The following CSMD1 variants were observed in gnomAD, a reference collection of about 807,000 sequenced individuals.
CSMD1 encodes CUB and sushi domain-containing protein 1.
In CSMD1, 213 loss-of-function variants were observed where a neutral mutation model predicts 417.5. The observed-to-expected ratio is 0.51, with a 90% CI of 0.46 to 0.57. CSMD1 has a LOEUF of 0.57. Among genes scored for constraint, CSMD1 ranks in the 20% least tolerant of loss-of-function variants. The pLI, the probability that CSMD1 is intolerant of heterozygous loss-of-function variation, is 0.00. For missense variants in CSMD1, 6,923 were observed against 4,529.7 expected (o/e 1.53, Z -15.17); for synonymous variants, 2,862 against 1,736.8 (o/e 1.65, Z -16.11).
chr8:4,928,557 C>A (rs546116844), intron 1 of CSMD1, among the ~76,000 whole-genome samples: 4 of 152,158 alleles, frequency 2.6e-5, no homozygotes, highest in African/African-American at 9.7e-5. Flanking sequence ...AATTCTAATT[C>A]CAGTCTTGCA....
At chr8:3,541,677 T>C (rs1798444299) in intron 10 of CSMD1, among the ~76,000 whole-genome samples, 1 of 149,778 alleles carries the variant, frequency 6.7e-6, no homozygotes, top group Admixed American at 6.6e-5. Flanking sequence ...TTGGACACCC[T>C]ATAATTAGTA....
chr8:3,177,427 A>G (rs555222953), intron 37 of CSMD1, among the ~76,000 whole-genome samples: 37 of 152,294 alleles, frequency 2.4e-4, no homozygotes, highest in African/African-American at 8.7e-4. Context: ...ATCTTAAACC[A>G]CTGCAGGGGT....
intron 5 of CSMD1, among the ~76,000 whole-genome samples, chr8:3,845,173 G>C (rs1164784503): frequency 2.0e-5 from 3 of 152,198 alleles, no homozygotes; most frequent in African/African-American, 7.2e-5. Flanking sequence ...ATGGGAATTA[G>C]AAAACACATA....
intron 2 of CSMD1, among the ~76,000 whole-genome samples, chr8:4,538,619 G>T (rs1442180565): frequency 6.6e-6 from 1 of 151,848 alleles, no homozygotes; most frequent in Non-Finnish European, 1.5e-5. Context: ...CTCCAGTATG[G>T]ACCACAAAGG....
In CSMD1 at chr8:4,557,737, C is replaced by A. The variant is rs1194561039; in HGVS notation, c.302+79605G>T. On this transcript the variant is annotated intron_variant, in intron 2 of 69. Transcript: ENST00000635120. ...AATAAATTTCTATACAGCAAAGGGT[C>A]AATTTCAAAGGTGTTTGACAGCATT... is the stretch of plus-strand genomic sequence containing the variant. 1.3e-5 allele frequency among the ~76,000 whole-genome samples: 2 copies of A among 151,746 alleles called. 1 individual carries two copies. The highest frequency in any genetic ancestry group is 4.9e-5 in the African/African-American group (2 of 41,150).
chr8:3,504,332 G>C (rs1458745374), intron 10 of CSMD1, among the ~76,000 whole-genome samples: 5 of 152,308 alleles, frequency 3.3e-5, no homozygotes, highest in South Asian at 2.1e-4. Flanking sequence ...CTCAACGAGA[G>C]TCTTGAAAGA....
chr8:3,785,711 A>G (rs923420122), intron 5 of CSMD1, among the ~76,000 whole-genome samples: 1 of 152,148 alleles, frequency 6.6e-6, no homozygotes, highest in Non-Finnish European at 1.5e-5. Flanking sequence ...ACGTGCTACC[A>G]AGAAGTGAGA....
intron 1 of CSMD1, among the ~76,000 whole-genome samples, chr8:4,993,308 A>G (rs998991875): frequency 1.3e-5 from 2 of 152,222 alleles, no homozygotes; most frequent in African/African-American, 4.8e-5. Context: ...GCTGACTGAT[A>G]AAGAAAGCAT....
intron 41 of CSMD1, among the ~76,000 whole-genome samples, chr8:3,122,794 T>C (rs935400838): frequency 2.6e-5 from 4 of 152,196 alleles, no homozygotes; most frequent in Admixed American, 6.5e-5. Flanking sequence ...TCAACCTCTT[T>C]TTCTTCCCAG....
chr8:4,331,934 C>A lies in CSMD1; in HGVS notation c.415+88019G>T, dbSNP rs370005127. 1.5e-3 allele frequency among the ~76,000 whole-genome samples: 226 copies of A among 152,270 alleles called. 1 individual carries two copies. Among genetic ancestry groups the A allele is most frequent in the South Asian group, 4.8e-3 (23 of 4,824 alleles). On this transcript the variant is annotated intron_variant, in intron 3 of 69. Transcript: ENST00000635120. ...CATCGTAATGATTTTTTTACAGTCT[C>A]CATGACCATGGCATTGGAATTCATT...
chr8:3,759,260 C>G (rs906163912), intron 5 of CSMD1, among the ~76,000 whole-genome samples: 1 of 151,806 alleles, frequency 6.6e-6, no homozygotes, highest in Non-Finnish European at 1.5e-5. Flanking sequence ...TTAAAAAGAC[C>G]AAAACAGAAA....
chr8:3,652,999 A>C lies in CSMD1; in HGVS notation c.1010-36202T>G, dbSNP rs562206924. Among the ~76,000 whole-genome samples, 29 of 152,294 alleles carry C rather than the reference A, an allele frequency of 1.9e-4. No individual in the cohort carries two copies. In the South Asian group the frequency reaches 5.8e-3, roughly 30 times the overall value. On this transcript the variant is annotated intron_variant, in intron 7 of 69. Transcript: ENST00000635120. ...ATAATTAGCATTGTCTGCACTATTAATGCCACTCAAATTATACTAGAAGCC... is the reference window on the plus strand; with the variant it reads ...ATAATTAGCATTGTCTGCACTATTACTGCCACTCAAATTATACTAGAAGCC...
chr8:4,125,942 C>T (rs1038962300), intron 3 of CSMD1, among the ~76,000 whole-genome samples: 1 of 152,164 alleles, frequency 6.6e-6, no homozygotes, highest in Non-Finnish European at 1.5e-5. Context: ...CAAATTGCTT[C>T]TGGGGATCAC....
At chr8:4,832,834 G>A (rs1431662593) in intron 1 of CSMD1, among the ~76,000 whole-genome samples, 1 of 150,944 alleles carries the variant, frequency 6.6e-6, no homozygotes, top group Non-Finnish European at 1.5e-5. Flanking sequence ...CATACCCTGT[G>A]ATAAAAGCAG....
chr8:4,747,959 C>G (rs1031630910), intron 1 of CSMD1, among the ~76,000 whole-genome samples: 1 of 152,216 alleles, frequency 6.6e-6, no homozygotes, highest in Non-Finnish European at 1.5e-5. Context: ...GTTCTGCCTT[C>G]TACTTACCAC....
At chr8:3,584,421 G>T (rs769935613) in intron 9 of CSMD1, among the ~76,000 whole-genome samples, 1 of 152,286 alleles carries the variant, frequency 6.6e-6, no homozygotes, top group South Asian at 2.1e-4. Context: ...AAACCACAAA[G>T]AATCCTCTTC....
At chr8:3,137,262 T>C (rs528672311) in intron 41 of CSMD1, among the ~76,000 whole-genome samples, 3 of 152,216 alleles carry the variant, frequency 2.0e-5, no homozygotes, top group African/African-American at 7.2e-5. Flanking sequence ...CCGCAATGCG[T>C]AGGGACTAAA....
intron 1 of CSMD1, among the ~76,000 whole-genome samples, chr8:4,641,868 A>G (rs1229823916): frequency 6.6e-6 from 1 of 152,238 alleles, no homozygotes; most frequent in African/African-American, 2.4e-5. Context: ...AAGTGAAAGT[A>G]TTAAGTAGCA....
intron 2 of CSMD1, among the ~76,000 whole-genome samples, chr8:4,430,558 C>G (rs941764846): frequency 6.6e-6 from 1 of 152,192 alleles, no homozygotes; most frequent in African/African-American, 2.4e-5. Context: ...ATAAAAGTTA[C>G]TCTGGGGAAG....
Sources: allele counts gnomAD v4.1 joint callset (sites outside exome capture counted in the v4.1 genomes callset), GRCh38; gene constraint gnomAD v4.1.1; transcripts MANE v1.5; gene names NCBI Gene and HGNC (gene_info 2026-07-23, HGNC 2026-07-21).